The following GAPVD1 variants were observed in gnomAD, a reference collection of about 807,000 sequenced individuals.
GAPVD1 encodes the protein GTPase-activating protein and VPS9 domain-containing protein 1.
GAPVD1 carries 35 observed loss-of-function variants against 155.5 expected under a neutral mutation model. The ratio of observed to expected loss-of-function variants is 0.23; its 90% confidence interval spans 0.17 to 0.30. The LOEUF (loss-of-function observed/expected upper bound fraction) is 0.30, where lower values mean the gene tolerates loss of function less well. GAPVD1 is among the 10% of genes least tolerant of loss of function. The probability of loss-of-function intolerance (pLI) is 1.00; values close to 1 mark genes in which losing one functional copy is unlikely to be tolerated. For missense variants in GAPVD1, 1,429 were observed against 1,775.7 expected, an observed-to-expected ratio of 0.80 and a Z score of 3.51; for synonymous variants, 636 against 619.7, an observed-to-expected ratio of 1.03 and a Z score of -0.39.
intron 12 of GAPVD1, among the ~76,000 whole-genome samples, chr9:125,327,831 C>G (rs1588968565): frequency 6.6e-6 from 1 of 152,130 alleles, no homozygotes; most frequent in Admixed American, 6.6e-5. Flanking sequence ...TAAACAAATA[C>G]AAGAGATGGT....
intron 2 of GAPVD1, among the ~76,000 whole-genome samples, chr9:125,278,119 T>C (rs1836103771): frequency 1.3e-5 from 2 of 152,222 alleles, no homozygotes; most frequent in South Asian, 4.1e-4. Flanking sequence ...GAAGTAAATG[T>C]AAATAAATCG....
intron 8 of GAPVD1, among the ~76,000 whole-genome samples, chr9:125,309,709 T>G (rs777743248): frequency 1.1e-4 from 17 of 152,184 alleles, no homozygotes; most frequent in Non-Finnish European, 2.2e-4. Context: ...AATCAGAGAT[T>G]TTTTCTCCAT....
chr9:125,298,778 G>A (rs1316954924), intron 3 of GAPVD1, 112 bp from the exon 4 acceptor site: 9 of 542,874 alleles, frequency 1.7e-5, no homozygotes, highest in South Asian at 8.4e-5. Flanking sequence ...ATGAGCCACC[G>A]CGCCTGCCCA....
At chr9:125,274,747 C>T (rs1835491667) in intron 2 of GAPVD1, among the ~76,000 whole-genome samples, 1 of 152,104 alleles carries the variant, frequency 6.6e-6, no homozygotes, top group African/African-American at 2.4e-5. Context: ...TAGGCGTGAG[C>T]CACTGTGCCT....
At chr9:125,351,257 C>T (rs1022912807) in intron 23 of GAPVD1, among the ~76,000 whole-genome samples, 1 of 152,152 alleles carries the variant, frequency 6.6e-6, no homozygotes, top group Non-Finnish European at 1.5e-5. Flanking sequence ...AAGACCTGTC[C>T]CCATTGATTC....
At chr9:125,324,080 A>G (rs904397823) in intron 11 of GAPVD1, among the ~76,000 whole-genome samples, 157 bp downstream of exon 11, 6 of 152,120 alleles carry the variant, frequency 3.9e-5, no homozygotes, top group Non-Finnish European at 7.4e-5. Context: ...TTCAAAATCT[A>G]TTTAGTTGGT....
intron 5 of GAPVD1, among the ~76,000 whole-genome samples, chr9:125,303,439 T>C (rs2130923510): frequency 6.7e-6 from 1 of 148,548 alleles, no homozygotes; most frequent in South Asian, 2.1e-4. Flanking sequence ...GAGACCAGCC[T>C]CAGCAACATA....
chr9:125,341,563 T>C (rs1336242536), intron 18 of GAPVD1: 2 of 209,648 alleles, frequency 9.5e-6, no homozygotes, highest in African/African-American at 2.3e-5. Flanking sequence ...ACATATATAT[T>C]GCTATTAATT....
At chr9:125,312,916 G>C (rs775776554) in intron 9 of GAPVD1, among the ~76,000 whole-genome samples, 2 of 151,850 alleles carry the variant, frequency 1.3e-5, no homozygotes, top group African/African-American at 4.8e-5. Context: ...CCAATCCCGG[G>C]TTCAAGCAAT....
At chr9:125,297,976 C>T (rs940298767) in intron 3 of GAPVD1, among the ~76,000 whole-genome samples, 1 of 152,170 alleles carries the variant, frequency 6.6e-6, no homozygotes, top group Non-Finnish European at 1.5e-5. Flanking sequence ...GAACTCCTGA[C>T]CTCAGGTGAT....
intron 2 of GAPVD1, among the ~76,000 whole-genome samples, chr9:125,274,066 G>A (rs139828768): frequency 0.026 from 3,986 of 152,088 alleles, 148 homozygotes; most frequent in African/African-American, 0.083. Context: ...TGGCCAGGCT[G>A]GAGTGCAGTG....
In GAPVD1 at chr9:125,323,873, C is replaced by A. The variant is rs1223661370; in HGVS notation, c.1808C>A (p.Pro603His). 1.2e-6 allele frequency: 2 copies of A among 1,613,584 alleles called. No homozygotes were observed. Among genetic ancestry groups the A allele is most frequent in the East Asian group, 4.5e-5 (2 of 44,846 alleles). The change falls in exon 11 of 28, where the codon CCT becomes CAT. Residue 603 changes from proline to histidine, a missense_variant. By Grantham distance (77) the Pro-to-His change is moderately conservative (BLOSUM62 -2). Coordinates refer to ENST00000297933, the MANE Select transcript of GAPVD1 (RefSeq NM_001282680.3). ...GESVSELGAGPSGSNGVEALQ... is the reference protein window; with the variant it reads ...GESVSELGAGHSGSNGVEALQ... ...TCTGTGTCAGAACTTGGAGCAGGACCTTCTGGCAGTAATGGAGTTGAAGCT... is the reference window on the plus strand; with the variant it reads ...TCTGTGTCAGAACTTGGAGCAGGACATTCTGGCAGTAATGGAGTTGAAGCT...
chr9:125,313,267 C>T (rs920932417), intron 9 of GAPVD1, among the ~76,000 whole-genome samples: 1 of 151,752 alleles, frequency 6.6e-6, no homozygotes, highest in African/African-American at 2.4e-5. Context: ...CACAAACATT[C>T]AGATCCTAGC....
chr9:125,302,264 T>C lies in GAPVD1; in HGVS notation c.467T>C (p.Leu156Ser). 1.2e-6 allele frequency: 2 copies of C among 1,614,164 alleles called. No individual in the cohort carries two copies. Reference sequence around the variant, plus strand: ...TACCTCCTTCAGGTTTTGCGATACTTGATTGAATTTGAACTTAAAGAAAGT... The same window carrying C: ...TACCTCCTTCAGGTTTTGCGATACTCGATTGAATTTGAACTTAAAGAAAGT... ...ESYLLQVLRY[L>S]IEFELKESDN... The change falls in exon 5 of 28, where the codon TTG (leucine) becomes TCG (serine). Residue 156 changes from leucine to serine, a missense_variant. Coordinates refer to ENST00000297933, the MANE Select transcript of GAPVD1 (RefSeq NM_001282680.3).
At chr9:125,312,652 T>C in intron 9 of GAPVD1, 40 bp downstream of exon 9, 3 of 1,465,858 alleles carry the variant, frequency 2.0e-6, no homozygotes, top group Non-Finnish European at 2.8e-6. Flanking sequence ...ATTCATGTCT[T>C]AGTCCATACA....
At chr9:125,325,032 C>T (rs1389731418) in intron 11 of GAPVD1, among the ~76,000 whole-genome samples, 1 of 151,718 alleles carries the variant, frequency 6.6e-6, no homozygotes, top group Non-Finnish European at 1.5e-5. Context: ...TGAGACCAGT[C>T]TGGCCAACAT....
chr9:125,356,875 A>C (rs1463917043), intron 25 of GAPVD1, among the ~76,000 whole-genome samples: 4 of 152,036 alleles, frequency 2.6e-5, no homozygotes, highest in Admixed American at 2.6e-4. Flanking sequence ...GGGTTTCACC[A>C]TGTTGGCCAG....
chr9:125,285,483 A>G lies in GAPVD1; in HGVS notation c.-149-9975A>G, dbSNP rs1310552988. On this transcript the variant is annotated intron_variant, in intron 2 of 27. Transcript: ENST00000297933. ...TTTTTTTTTTTTTTTTTTGAGGTAG[A>G]GTCTTCCTCTGTTGTCCAAGCTGGA... Among the ~76,000 whole-genome samples, 6 of 110,226 alleles carry G rather than the reference A, an allele frequency of 5.4e-5. 1 individual carries two copies. Among genetic ancestry groups the G allele is most frequent in the Middle Eastern group, 0.015 (2 of 136 alleles). 72.3% of individuals were successfully genotyped at this position (110,226 alleles called of 152,430 possible).
chr9:125,300,052 T>A (rs867895290), intron 4 of GAPVD1, among the ~76,000 whole-genome samples: 3,053 of 6,094 alleles, frequency 0.5, 1,022 homozygotes, highest in East Asian at 0.58. Flanking sequence ...TATATATATA[T>A]ATATATATAT....
Sources: gnomAD v4.1 joint callset for allele counts (sites outside exome capture counted in the v4.1 genomes callset) on GRCh38, gnomAD v4.1.1 for gene constraint, MANE v1.5 for transcripts, NCBI Gene and HGNC (gene_info 2026-07-23, HGNC 2026-07-21) for gene names.